Variants in EMILIN2 observed in about 807,000 individuals in gnomAD.
EMILIN2 encodes the protein elastin microfibril interfacer 2.
Under a neutral mutation model 87.1 loss-of-function variants are expected in EMILIN2, and 71 were observed. That is an observed-to-expected ratio of 0.82 (90% confidence interval 0.67 to 0.99). The LOEUF (loss-of-function observed/expected upper bound fraction) is 0.99, where lower values mean the gene tolerates loss of function less well. Ranked by LOEUF, EMILIN2 falls within the 50% of genes least tolerant of loss-of-function variation. The pLI, the probability that EMILIN2 is intolerant of heterozygous loss-of-function variation, is 0.00. For missense variants in EMILIN2, 1,407 were observed against 1,371.8 expected, an observed-to-expected ratio of 1.03 and a Z score of -0.40; for synonymous variants, 581 against 563.4, an observed-to-expected ratio of 1.03 and a Z score of -0.44.
chr18:2,875,976 T>G (rs1172377693), intron 2 of EMILIN2, among the ~76,000 whole-genome samples: 1 of 131,594 alleles, frequency 7.6e-6, no homozygotes, highest in Non-Finnish European at 1.6e-5. Context: ...AAAAGGATTT[T>G]AGATTTTTTT....
At chr18:2,892,513 C>A (rs2076844099) in intron 4 of EMILIN2, 27 bp downstream of exon 4, 2 of 1,542,858 alleles carry the variant, frequency 1.3e-6, no homozygotes, top group African/African-American at 2.8e-5. Context: ...AATTCTATTT[C>A]TTGTATTTCT....
Position 2,872,638 on chromosome 18 carries a change from T to C in EMILIN2, c.258-12326T>C, listed in dbSNP as rs1286086297. Among the ~76,000 whole-genome samples the C allele has an allele frequency of 2.6e-5, 4 of 152,358 alleles. No individual in the cohort carries two copies. The East Asian group carries it at 7.7e-4, about 29-fold the overall frequency. ...TGATGTAAATTGTAATGTAGATTAC[T>C]TACTTGGCAATCTCAGTGTGACCTT... is the stretch of plus-strand genomic sequence containing the variant. On this transcript the variant is annotated intron_variant, in intron 2 of 7. Coordinates refer to ENST00000254528, the MANE Select transcript of EMILIN2 (RefSeq NM_032048.3).
intron 2 of EMILIN2, among the ~76,000 whole-genome samples, chr18:2,873,690 G>C (rs1271224741): frequency 6.6e-6 from 1 of 151,974 alleles, no homozygotes; most frequent in Non-Finnish European, 1.5e-5. Flanking sequence ...CTGGGCGACA[G>C]AGCAAGACTC....
At chr18:2,884,032 T>G (rs962639320) in intron 2 of EMILIN2, among the ~76,000 whole-genome samples, 1 of 152,148 alleles carries the variant, frequency 6.6e-6, no homozygotes, top group Non-Finnish European at 1.5e-5. Flanking sequence ...CTCGGCTCAC[T>G]GCAAGCTCCA....
chr18:2,912,198 C>T (rs2076944429), intron 7 of EMILIN2, among the ~76,000 whole-genome samples: 1 of 150,604 alleles, frequency 6.6e-6, no homozygotes, highest in Non-Finnish European at 1.5e-5. Context: ...GCCACCACGC[C>T]CATCTAATTT....
At chr18:2,912,986 A>G in intron 7 of EMILIN2, 81 bp from the exon 8 acceptor site, 1 of 1,442,106 alleles carries the variant, frequency 6.9e-7, no homozygotes, top group Non-Finnish European at 9.5e-7. Context: ...GGCCCAGGTT[A>G]ATCACTGGGG....
Position 2,913,639 on chromosome 18 carries a change from TGGAAGA to T in EMILIN2, c.*236_*241del. 10 of 483,942 alleles carry T rather than the reference TGGAAGA, an allele frequency of 2.1e-5. No individual in the cohort carries two copies. The highest frequency in any genetic ancestry group is 2.7e-5 in the South Asian group (1 of 36,446). 30.0% of individuals were successfully genotyped at this position (483,942 alleles called of 1,614,324 possible). A position where few individuals can be genotyped will look rare whatever the true frequency, so the allele number is the denominator to read the frequency against. ...TTTTCTGCCACTCTAACTGGACAAC[TGGAAGA>T]CTTGGAAAGGCCTCCACCTGTATCT... On this transcript the variant is annotated 3_prime_UTR_variant, in exon 8 of 8. Coordinates refer to ENST00000254528, the MANE Select transcript of EMILIN2 (RefSeq NM_032048.3).
chr18:2,878,439 G>A (rs184502386), intron 2 of EMILIN2, among the ~76,000 whole-genome samples: 10 of 151,684 alleles, frequency 6.6e-5, no homozygotes, highest in East Asian at 5.8e-4. Flanking sequence ...GCAGTGAGCC[G>A]AGATCACGCC....
chr18:2,861,447 A>G (rs910253689), intron 2 of EMILIN2, among the ~76,000 whole-genome samples: 3 of 152,216 alleles, frequency 2.0e-5, no homozygotes, highest in Non-Finnish European at 4.4e-5. Flanking sequence ...AGCTTTCTCC[A>G]TATGGCTAGC....
At chr18:2,875,377 G>T (rs2076742288) in intron 2 of EMILIN2, among the ~76,000 whole-genome samples, 1 of 152,178 alleles carries the variant, frequency 6.6e-6, no homozygotes, top group Non-Finnish European at 1.5e-5. Context: ...GATGAGGGAG[G>T]GATCGTGAGA....
Position 2,913,647 on chromosome 18 carries a change from T to TTTTTA in EMILIN2, c.*244_*245insTTTAT. 1 of 383,288 alleles carries TTTTTA rather than the reference T, an allele frequency of 2.6e-6. No individual in the cohort carries two copies. The highest frequency in any genetic ancestry group is 4.6e-6 in the Non-Finnish European group (1 of 215,094). 23.7% of individuals were successfully genotyped at this position (383,288 alleles called of 1,614,324 possible). Reference sequence around the variant, plus strand: ...CACTCTAACTGGACAACTGGAAGACTTGGAAAGGCCTCCACCTGTATCTAC... The same window carrying TTTTTA: ...CACTCTAACTGGACAACTGGAAGACTTTTTATGGAAAGGCCTCCACCTGTATCTAC... On this transcript the variant is annotated 3_prime_UTR_variant, in exon 8 of 8. Transcript: ENST00000254528.
chr18:2,908,828 T>C, intron 5 of EMILIN2, 115 bp from the exon 6 acceptor site: 2 of 1,232,068 alleles, frequency 1.6e-6, no homozygotes, highest in East Asian at 2.3e-5. Context: ...TGTCTGTTTC[T>C]ATAGTAGTGA....
chr18:2,908,826 T>C, intron 5 of EMILIN2, 117 bp from the exon 6 acceptor site: 1 of 1,219,076 alleles, frequency 8.2e-7, no homozygotes, highest in African/African-American at 1.5e-5. Flanking sequence ...TATGTCTGTT[T>C]CTATAGTAGT....
At chr18:2,881,139 CT>C in intron 2 of EMILIN2, among the ~76,000 whole-genome samples, 1 of 152,306 alleles carries the variant, frequency 6.6e-6, no homozygotes, top group Middle Eastern at 3.4e-3. Flanking sequence ...CCACCTCCCC[CT>C]GAGCTCCCAA....
At position 2,892,451 on chromosome 18, in the gene EMILIN2, A is replaced by G. The variant is rs780901881; in HGVS notation, c.2324A>G (p.Asp775Gly). The G allele has an allele frequency of 6.2e-7, 1 of 1,605,376 alleles. No individual in the cohort carries two copies. Among genetic ancestry groups the G allele is most frequent in the Non-Finnish European group, 8.5e-7 (1 of 1,174,048 alleles). The change falls in exon 4 of 8, where the codon GAT becomes GGT. Residue 775 changes from aspartate (D) to glycine (G), a missense_variant. Coordinates refer to ENST00000254528, the MANE Select transcript of EMILIN2 (RefSeq NM_032048.3). The stretch of plus-strand genomic sequence containing the variant: ...AGCCACGTCTTCCAGATTTCTACTG[A>G]TTTGCAAGATCTGGTCAAATTTCAG... Reference protein sequence around the residue: ...FYSHVFQISTDLQDLVKFQPS... With the variant: ...FYSHVFQISTGLQDLVKFQPS...
intron 5 of EMILIN2, among the ~76,000 whole-genome samples, 188 bp from the exon 6 acceptor site, chr18:2,908,755 A>G (rs1347698121): frequency 6.6e-6 from 1 of 152,162 alleles, no homozygotes; most frequent in Non-Finnish European, 1.5e-5. Context: ...GGAAGCAGGG[A>G]CGGGCTGGTA....
intron 4 of EMILIN2, among the ~76,000 whole-genome samples, chr18:2,901,483 C>G (rs765876396): frequency 7.9e-5 from 12 of 152,186 alleles, no homozygotes. Context: ...TTGAAATTGA[C>G]TTTTAATAGG....
In EMILIN2 at chr18:2,907,188, C is replaced by G. The variant is rs529190409; in HGVS notation, c.2662+103C>G. On this transcript the variant is annotated intron_variant, in intron 5 of 7. Transcript: ENST00000254528. ...GCGTGGCGGTTCGGGGTCCAGCCTTCGGGGGGGCAAGTTCCGAAATGCAGC... is the reference window on the plus strand; with the variant it reads ...GCGTGGCGGTTCGGGGTCCAGCCTTGGGGGGGGCAAGTTCCGAAATGCAGC... 568 of 1,159,256 alleles carry G rather than the reference C, an allele frequency of 4.9e-4. 3 individuals are homozygous for G. In the African/African-American group the frequency reaches 7.9e-3, roughly 16 times the overall value. The allele number at this position is 1,159,256 out of a possible 1,614,324, so 71.8% of individuals were successfully genotyped here.
chr18:2,865,537 C>T (rs1008641731), intron 2 of EMILIN2, among the ~76,000 whole-genome samples: 43 of 152,220 alleles, frequency 2.8e-4, no homozygotes, highest in African/African-American at 9.6e-4. Flanking sequence ...TATTGGTGAA[C>T]AGCAAATGTT....
Sources: allele counts gnomAD v4.1 joint callset (sites outside exome capture counted in the v4.1 genomes callset), GRCh38; gene constraint gnomAD v4.1.1; transcripts MANE v1.5; gene names NCBI Gene and HGNC (gene_info 2026-07-23, HGNC 2026-07-21).